The following MICU1 variants were observed in gnomAD, a reference collection of about 807,000 sequenced individuals.
MICU1 encodes the protein calcium uptake protein 1, mitochondrial.
A neutral mutation model predicts 56.8 loss-of-function variants in MICU1; 45 were observed. The ratio of observed to expected loss-of-function variants is 0.79; its 90% CI spans 0.62 to 1.02. The LOEUF is 1.02. MICU1 is among the 50% of genes least tolerant of loss of function. The pLI is 0.00. For missense variants in MICU1, 504 were observed against 587.1 expected, an observed-to-expected ratio of 0.86 and a Z score of 1.46; for synonymous variants, 186 against 195.1, an observed-to-expected ratio of 0.95 and a Z score of 0.39.
chr10:72,368,700 A>C (rs1862228939), intron 11 of MICU1, among the ~76,000 whole-genome samples: 1 of 152,158 alleles, frequency 6.6e-6, no homozygotes, highest in South Asian at 2.1e-4. Flanking sequence ...GTGTGGGGTA[A>C]ACGGAGGATG....
chr10:72,602,859 G>A (rs1432390239), intron 1 of MICU1, among the ~76,000 whole-genome samples: 2 of 152,214 alleles, frequency 1.3e-5, no homozygotes, highest in African/African-American at 4.8e-5. Flanking sequence ...TGTAATCCCA[G>A]CACTTCGGGA....
At chr10:72,386,693 G>A (rs1862903557) in intron 10 of MICU1, among the ~76,000 whole-genome samples, 1 of 151,174 alleles carries the variant, frequency 6.6e-6, no homozygotes, top group African/African-American at 2.4e-5. Flanking sequence ...CTAAGTAGTT[G>A]GGACTAGAGG....
intron 8 of MICU1, among the ~76,000 whole-genome samples, chr10:72,436,208 A>C (rs1241996997): frequency 1.3e-5 from 2 of 151,836 alleles, no homozygotes; most frequent in Non-Finnish European, 1.5e-5. Context: ...ATCAGGCAGC[A>C]ATATTTGCTG....
chr10:72,422,974 A>T (rs1323738181), intron 9 of MICU1, among the ~76,000 whole-genome samples: 3 of 129,966 alleles, frequency 2.3e-5, no homozygotes, highest in Non-Finnish European at 5.1e-5. Flanking sequence ...TTCCCATCTA[A>T]ACCGGTCTCT....
intron 5 of MICU1, among the ~76,000 whole-genome samples, chr10:72,518,309 C>A (rs1171795745): frequency 6.6e-6 from 1 of 152,100 alleles, no homozygotes; most frequent in Non-Finnish European, 1.5e-5. Flanking sequence ...GCTGGGATTA[C>A]AGGCGTGAGC....
At chr10:72,560,240 T>G (rs928767840) in intron 3 of MICU1, 1 of 152,254 alleles carries the variant, frequency 6.6e-6, no homozygotes, top group Non-Finnish European at 1.5e-5. Flanking sequence ...TCTATGCACC[T>G]CTCACTGAAC....
chr10:72,399,624 T>C (rs1215225823), intron 10 of MICU1, among the ~76,000 whole-genome samples: 11 of 148,688 alleles, frequency 7.4e-5, no homozygotes, highest in Admixed American at 7.4e-4. Flanking sequence ...CCAGCCTGGG[T>C]GACAAAGCGA....
intron 11 of MICU1, among the ~76,000 whole-genome samples, chr10:72,373,389 C>T (rs936649913): frequency 2.0e-5 from 3 of 152,060 alleles, no homozygotes; most frequent in African/African-American, 7.2e-5. Context: ...GTTGCCTAAG[C>T]TGGTCTTGAA....
At chr10:72,403,629 T>TTGTGTGTGTGTGTGTGTGTGTGTG (rs60373032) in intron 10 of MICU1, among the ~76,000 whole-genome samples, 1 of 139,824 alleles carries the variant, frequency 7.2e-6, no homozygotes, top group East Asian at 2.2e-4. Context: ...CATACCAAAA[T>TTGTGTGTGTGTGTGTGTGTGTGTG]TGTGTGTGTG....
At chr10:72,400,153 C>A (rs1191520792) in intron 10 of MICU1, among the ~76,000 whole-genome samples, 3 of 152,172 alleles carry the variant, frequency 2.0e-5, no homozygotes, top group Non-Finnish European at 4.4e-5. Flanking sequence ...ATTTGTACCA[C>A]TGCCTCTATT....
At chr10:72,611,158 C>A (rs1841835012) in intron 1 of MICU1, among the ~76,000 whole-genome samples, 1 of 149,766 alleles carries the variant, frequency 6.7e-6, no homozygotes, top group African/African-American at 2.5e-5. Context: ...AAAAAATTAG[C>A]CGGGCGCTGT....
At chr10:72,559,247 T>C (rs1840232382) in intron 3 of MICU1, among the ~76,000 whole-genome samples, 1 of 152,092 alleles carries the variant, frequency 6.6e-6, no homozygotes, top group African/African-American at 2.4e-5. Context: ...AGTTTACCTC[T>C]GAAGAAGATG....
chr10:72,464,373 CACGTATACATACACACAT>C (rs958823996), intron 8 of MICU1, among the ~76,000 whole-genome samples: 2 of 150,456 alleles, frequency 1.3e-5, no homozygotes, highest in African/African-American at 4.9e-5. Context: ...CACGCGCACA[CACGTATACATACACACAT>C]ACGTATACAC....
intron 10 of MICU1, among the ~76,000 whole-genome samples, chr10:72,388,505 ATTG>A (rs1399585881): frequency 6.6e-6 from 1 of 152,196 alleles, no homozygotes; most frequent in African/African-American, 2.4e-5. Flanking sequence ...AGAGTCTGTT[ATTG>A]TAAGGTAAGG....
At chr10:72,564,046 G>C (rs1840364776) in intron 2 of MICU1, among the ~76,000 whole-genome samples, 2 of 152,132 alleles carry the variant, frequency 1.3e-5, no homozygotes, top group Non-Finnish European at 1.5e-5. Flanking sequence ...GGTAGTTGAA[G>C]CCATTGCTGC....
chr10:72,600,280 G>A (rs1248114484), intron 1 of MICU1, among the ~76,000 whole-genome samples: 3 of 116,692 alleles, frequency 2.6e-5, no homozygotes, highest in East Asian at 2.6e-4. Flanking sequence ...TGACAAGAGT[G>A]AAACTCCATC....
At chr10:72,427,733 AATAT>A (rs58696519) in intron 8 of MICU1, among the ~76,000 whole-genome samples, 1,935 of 136,194 alleles carry the variant, frequency 0.014, 15 homozygotes, top group East Asian at 0.061. Flanking sequence ...CCATCTCTAA[AATAT>A]ATATATATAT....
chr10:72,549,930 CAA>C (rs60734797), intron 4 of MICU1, among the ~76,000 whole-genome samples: 8 of 111,328 alleles, frequency 7.2e-5, no homozygotes, highest in Admixed American at 9.4e-5. Context: ...AACTCCATCT[CAA>C]AAAAAAAAAA....
intron 10 of MICU1, among the ~76,000 whole-genome samples, chr10:72,376,315 A>G (rs1463699671): frequency 2.0e-5 from 3 of 152,044 alleles, no homozygotes; most frequent in Non-Finnish European, 4.4e-5. Context: ...TTTATTCATA[A>G]GCTCCCTCCT....
Sources: allele counts gnomAD v4.1 joint callset (sites outside exome capture counted in the v4.1 genomes callset), GRCh38; gene constraint gnomAD v4.1.1; transcripts MANE v1.5; gene names NCBI Gene and HGNC (gene_info 2026-07-23, HGNC 2026-07-21).